The following SLC8A1 variants were observed in gnomAD, a reference collection of about 807,000 sequenced individuals.
SLC8A1 encodes the protein solute carrier family 8 member A1.
Under a neutral mutation model 68.3 loss-of-function variants are expected in SLC8A1, and 18 were observed. The observed-to-expected ratio is 0.26, with a 90% CI of 0.18 to 0.39. The LOEUF (loss-of-function observed/expected upper bound fraction) is 0.39. Among genes scored for constraint, SLC8A1 ranks in the 10% least tolerant of loss-of-function variants. SLC8A1 has a pLI of 1.00. For synonymous variants in SLC8A1, 475 were observed against 415.5 expected (o/e 1.14, Z -1.74); for missense variants, 985 against 1,156.7 (o/e 0.85, Z 2.15).
chr2:40,441,759 A>C (rs1297736768), intron 1 of SLC8A1, among the ~76,000 whole-genome samples: 1 of 152,058 alleles, frequency 6.6e-6, no homozygotes, highest in East Asian at 1.9e-4. Flanking sequence ...CTTATACAAA[A>C]ATTAACTCAA....
At chr2:40,249,840 TG>T (rs1308058927) in intron 2 of SLC8A1, among the ~76,000 whole-genome samples, 1 of 152,192 alleles carries the variant, frequency 6.6e-6, no homozygotes, top group Non-Finnish European at 1.5e-5. Flanking sequence ...ACAGGAAGGG[TG>T]TAGACTTCAC....
At chr2:40,156,833 GTC>G (rs1303775123) in intron 6 of SLC8A1, among the ~76,000 whole-genome samples, 1 of 152,144 alleles carries the variant, frequency 6.6e-6, no homozygotes, top group Non-Finnish European at 1.5e-5. Context: ...GTATGTGTGT[GTC>G]TGTGTTCGCA....
At chr2:40,379,227 T>C (rs367987292) in intron 2 of SLC8A1, among the ~76,000 whole-genome samples, 3 of 152,118 alleles carry the variant, frequency 2.0e-5, no homozygotes, top group Non-Finnish European at 4.4e-5. Context: ...TTTGAGGTGG[T>C]GCTTAATCAT....
chr2:40,442,726 C>A (rs774744330), intron 1 of SLC8A1, among the ~76,000 whole-genome samples: 5 of 152,132 alleles, frequency 3.3e-5, no homozygotes, highest in Non-Finnish European at 5.9e-5. Flanking sequence ...ACCAGAAATA[C>A]CATTTGACCT....
At chr2:40,508,297 T>C (rs1269603826) in intron 1 of SLC8A1, among the ~76,000 whole-genome samples, 2 of 151,668 alleles carry the variant, frequency 1.3e-5, no homozygotes, top group East Asian at 3.9e-4. Context: ...TGTTAAGGTA[T>C]GATTTCATTT....
chr2:40,158,411 A>C (rs1218769163), intron 6 of SLC8A1, among the ~76,000 whole-genome samples: 1 of 152,208 alleles, frequency 6.6e-6, no homozygotes, highest in Non-Finnish European at 1.5e-5. Flanking sequence ...GTTTCTCAAA[A>C]TTGTAAATAA....
At chr2:40,289,959 A>G (rs2068994587) in intron 2 of SLC8A1, among the ~76,000 whole-genome samples, 1 of 152,134 alleles carries the variant, frequency 6.6e-6, no homozygotes, top group African/African-American at 2.4e-5. Flanking sequence ...GTAGATTAGA[A>G]GACAAACATA....
chr2:40,345,445 CAAG>C (rs989859676), intron 2 of SLC8A1, among the ~76,000 whole-genome samples: 10 of 151,882 alleles, frequency 6.6e-5, no homozygotes, highest in African/African-American at 2.2e-4. Flanking sequence ...CAACAAAGCT[CAAG>C]AAGATTGTCA....
At chr2:40,235,551 CT>C (rs2060253318) in intron 2 of SLC8A1, among the ~76,000 whole-genome samples, 1 of 152,030 alleles carries the variant, frequency 6.6e-6, no homozygotes, top group South Asian at 2.1e-4. Context: ...AAAAAACCAG[CT>C]CCTGGATTCA....
At chr2:40,342,235 T>A (rs370798718) in intron 2 of SLC8A1, among the ~76,000 whole-genome samples, 1 of 152,172 alleles carries the variant, frequency 6.6e-6, no homozygotes, top group South Asian at 2.1e-4. Flanking sequence ...CACTGCAATC[T>A]TATTCTAAGA....
At chr2:40,493,246 CA>C (rs752488874) in intron 1 of SLC8A1, among the ~76,000 whole-genome samples, 2 of 148,950 alleles carry the variant, frequency 1.3e-5, no homozygotes, top group African/African-American at 2.5e-5. Flanking sequence ...ATTGGAAGAA[CA>C]AAAAACCAAA....
Position 40,285,891 on chromosome 2 carries a change from A to T in SLC8A1, c.1809-108036T>A, listed in dbSNP as rs140216810. On this transcript the variant is annotated intron_variant, in intron 2 of 7. Transcript: ENST00000406785. ...TCTTTCTTTCATGTTGTTTAATAAC[A>T]GAGTATTTTGCCTGAAGTTCCTTAT... is the stretch of plus-strand genomic sequence containing the variant. Among the ~76,000 whole-genome samples, 472 of 152,306 alleles carry T rather than the reference A, an allele frequency of 3.1e-3. 3 individuals carry two copies. Among genetic ancestry groups the T allele is most frequent in the African/African-American group, 0.011 (448 of 41,578 alleles).
intron 1 of SLC8A1, 146 bp from the exon 2 acceptor site, chr2:40,430,450 T>A: frequency 1.4e-6 from 1 of 737,114 alleles, no homozygotes; most frequent in Admixed American, 3.1e-5. Context: ...TGTTTATATT[T>A]GACCATCACA....
At chr2:40,153,355 T>C (rs957348393) in intron 6 of SLC8A1, among the ~76,000 whole-genome samples, 5 of 152,156 alleles carry the variant, frequency 3.3e-5, no homozygotes, top group Non-Finnish European at 5.9e-5. Context: ...CCATAACTAA[T>C]TGGTGGCTGC....
chr2:40,267,205 G>C (rs888455058), intron 2 of SLC8A1, among the ~76,000 whole-genome samples: 1 of 152,134 alleles, frequency 6.6e-6, no homozygotes, highest in African/African-American at 2.4e-5. Flanking sequence ...GTATTAGCAG[G>C]ATCCTGGATC....
chr2:40,298,725 G>A (rs146227095), intron 2 of SLC8A1, among the ~76,000 whole-genome samples: 43 of 152,198 alleles, frequency 2.8e-4, no homozygotes, highest in Non-Finnish European at 1.3e-4. Context: ...TGACATAAGA[G>A]ATGGTAAAGG....
chr2:40,465,256 A>G (rs1703596289), intron 1 of SLC8A1, among the ~76,000 whole-genome samples: 1 of 152,208 alleles, frequency 6.6e-6, no homozygotes, highest in Non-Finnish European at 1.5e-5. Flanking sequence ...ATTGTCCTTC[A>G]TGCCTTATAG....
chr2:40,248,342 G>A (rs956860977), intron 2 of SLC8A1, among the ~76,000 whole-genome samples: 1 of 152,054 alleles, frequency 6.6e-6, no homozygotes, highest in African/African-American at 2.4e-5. Flanking sequence ...TGAGAAGGTG[G>A]GTACCTTTGG....
intron 2 of SLC8A1, among the ~76,000 whole-genome samples, chr2:40,363,799 G>A (rs982208135): frequency 6.6e-6 from 1 of 151,882 alleles, no homozygotes; most frequent in African/African-American, 2.4e-5. Flanking sequence ...CATTGTATTT[G>A]GGCCCTGAGT....
Sources: gnomAD v4.1 joint callset for allele counts (sites outside exome capture counted in the v4.1 genomes callset) on GRCh38, gnomAD v4.1.1 for gene constraint, MANE v1.5 for transcripts, NCBI Gene and HGNC (gene_info 2026-07-23, HGNC 2026-07-21) for gene names.